The following LINGO2 variants were observed in gnomAD, a reference collection of about 807,000 sequenced individuals.
LINGO2 encodes the protein leucine-rich repeat and immunoglobulin-like domain-containing nogo receptor-interacting protein 2.
A neutral mutation model predicts 30.6 loss-of-function variants in LINGO2; 14 were observed. That is an observed-to-expected ratio of 0.46 (90% CI 0.30 to 0.72). The LOEUF is 0.72. Among genes scored for constraint, LINGO2 ranks in the 30% least tolerant of loss-of-function variants. The pLI is 0.07. For missense variants in LINGO2, 729 were observed against 751.7 expected (o/e 0.97, Z 0.35); for synonymous variants, 317 against 288.5 (o/e 1.10, Z -1.00).
chr9:27,943,199 G>A (rs1194363086), downstream of LINGO2: 1 of 152,158 alleles, frequency 6.6e-6, no homozygotes, highest in Non-Finnish European at 1.5e-5. Flanking sequence ...ACAACATAAA[G>A]TTAACATGGC....
intron 4 of LINGO2, among the ~76,000 whole-genome samples, chr9:28,033,655 A>G (rs891434820): frequency 4.6e-5 from 7 of 152,212 alleles, no homozygotes; most frequent in Non-Finnish European, 1.0e-4. Flanking sequence ...TGGCAAAAAA[A>G]AAATTACTTC....
chr9:28,156,418 T>C (rs2133577016), intron 4 of LINGO2, among the ~76,000 whole-genome samples: 1 of 152,348 alleles, frequency 6.6e-6, no homozygotes, highest in South Asian at 2.1e-4. Context: ...TTTTAAAGTA[T>C]TGACTCTCAT....
At chr9:28,267,364 T>C (rs1397588824) in intron 4 of LINGO2, among the ~76,000 whole-genome samples, 1 of 151,974 alleles carries the variant, frequency 6.6e-6, no homozygotes, top group East Asian at 1.9e-4. Context: ...ATTCCTTTGC[T>C]TAGGGCAAAA....
At chr9:28,270,252 G>A (rs1324283705) in intron 4 of LINGO2, among the ~76,000 whole-genome samples, 1 of 152,144 alleles carries the variant, frequency 6.6e-6, no homozygotes, top group African/African-American at 2.4e-5. Context: ...AGCCTGTGGG[G>A]TGATAGAAAT....
At chr9:28,579,395 T>A (rs987360674) in intron 1 of LINGO2, among the ~76,000 whole-genome samples, 7 of 152,090 alleles carry the variant, frequency 4.6e-5, no homozygotes, top group Admixed American at 3.9e-4. Flanking sequence ...TATTGGTCAT[T>A]CATCACTGAC....
intron 5 of LINGO2, among the ~76,000 whole-genome samples, chr9:27,967,225 A>G (rs991910396): frequency 4.6e-5 from 7 of 152,154 alleles, no homozygotes; most frequent in Non-Finnish European, 1.0e-4. Context: ...AAAACAATAG[A>G]AGTTTATTAG....
At chr9:28,335,662 C>A (rs978066521) in intron 3 of LINGO2, among the ~76,000 whole-genome samples, 1 of 152,072 alleles carries the variant, frequency 6.6e-6, no homozygotes, top group Non-Finnish European at 1.5e-5. Context: ...CATATGCCAA[C>A]AGTCAGTAAG....
At chr9:28,617,409 C>T (rs1587966832) in intron 1 of LINGO2, among the ~76,000 whole-genome samples, 1 of 151,988 alleles carries the variant, frequency 6.6e-6, no homozygotes. Context: ...CATTCTCCTG[C>T]CTCAGCCTCC....
At chr9:28,652,434 C>T (rs1828144757) in intron 1 of LINGO2, among the ~76,000 whole-genome samples, 1 of 152,052 alleles carries the variant, frequency 6.6e-6, no homozygotes, top group South Asian at 2.1e-4. Context: ...TCAACAACTC[C>T]AACTTAAGGC....
intron 4 of LINGO2, among the ~76,000 whole-genome samples, chr9:28,196,993 G>T (rs1304685813): frequency 6.6e-6 from 1 of 151,868 alleles, no homozygotes; most frequent in Non-Finnish European, 1.5e-5. Context: ...GCACAATAGG[G>T]TGGCTATAGT....
chr9:28,398,866 T>C (rs1358114539), intron 2 of LINGO2, among the ~76,000 whole-genome samples: 1 of 152,184 alleles, frequency 6.6e-6, no homozygotes, highest in East Asian at 1.9e-4. Flanking sequence ...CTCAAGGCCT[T>C]TCACTTAACC....
At chr9:28,617,485 C>G (rs145915584) in intron 1 of LINGO2, among the ~76,000 whole-genome samples, 2 of 151,892 alleles carry the variant, frequency 1.3e-5, no homozygotes, top group Non-Finnish European at 2.9e-5. Context: ...TTAGTAGAGA[C>G]GGGGTTTCAC....
At chr9:29,108,472 G>T in the LINGO2 span, among the ~76,000 whole-genome samples, 1 of 152,264 alleles carries the variant, frequency 6.6e-6, no homozygotes, top group Admixed American at 6.5e-5. Context: ...TCATTTACAA[G>T]GGTTCAGTAA....
intron 4 of LINGO2, among the ~76,000 whole-genome samples, chr9:28,189,772 A>G (rs796603580): frequency 7.9e-5 from 12 of 152,080 alleles, no homozygotes; most frequent in African/African-American, 2.7e-4. Context: ...AGTGCCTGAT[A>G]TTCCCTGGAG....
intron 4 of LINGO2, among the ~76,000 whole-genome samples, chr9:28,096,353 A>G (rs774756970): frequency 6.6e-6 from 1 of 152,174 alleles, no homozygotes; most frequent in African/African-American, 2.4e-5. Context: ...TTTTATTTTC[A>G]TCTCTTACTC....
At chr9:28,892,521 A>G in the LINGO2 span, among the ~76,000 whole-genome samples, 1 of 152,038 alleles carries the variant, frequency 6.6e-6, no homozygotes, top group African/African-American at 2.4e-5. Context: ...TCCATGTTTC[A>G]TGAAACCAAC....
At chr9:28,053,761 A>C (rs750159039) in intron 4 of LINGO2, among the ~76,000 whole-genome samples, 2 of 152,222 alleles carry the variant, frequency 1.3e-5, no homozygotes, top group Middle Eastern at 3.4e-3. Flanking sequence ...TTTTAAAAGA[A>C]CGTAAATAGA....
At chr9:28,705,867 A>G in the LINGO2 span, among the ~76,000 whole-genome samples, 1 of 151,980 alleles carries the variant, frequency 6.6e-6, no homozygotes, top group East Asian at 1.9e-4. Flanking sequence ...CGTGTTTCCA[A>G]TTTGGAGGGC....
chr9:28,388,152 T>C (rs1821672489), intron 2 of LINGO2, among the ~76,000 whole-genome samples: 1 of 152,248 alleles, frequency 6.6e-6, no homozygotes, highest in South Asian at 2.1e-4. Context: ...CATCCTACTT[T>C]GCATGTTTTT....
Sources: gnomAD v4.1 joint callset for allele counts (sites outside exome capture counted in the v4.1 genomes callset) on GRCh38, gnomAD v4.1.1 for gene constraint, MANE v1.5 for transcripts, NCBI Gene and HGNC (gene_info 2026-07-23, HGNC 2026-07-21) for gene names.